The following NHERF2 variants were observed in gnomAD, a reference collection of about 807,000 sequenced individuals.
NHERF2 encodes the protein Na(+)/H(+) exchange regulatory cofactor NHE-RF2.
the NHERF2 span, chr16:2,036,750 G>T: frequency 6.2e-7 from 1 of 1,613,176 alleles, no homozygotes; most frequent in Non-Finnish European, 8.5e-7. Context: ...AATGTGGAGG[G>T]ACTGCGCCAT....
chr16:2,038,260 AGAGC>A, the NHERF2 span: 3 of 566,158 alleles, frequency 5.3e-6, no homozygotes, highest in Non-Finnish European at 9.5e-6. Flanking sequence ...AGACAGAGAG[AGAGC>A]GAGCGAGCGC....
At chr16:2,035,040 A>G in the NHERF2 span, among the ~76,000 whole-genome samples, 1 of 151,972 alleles carries the variant, frequency 6.6e-6, no homozygotes, top group South Asian at 2.1e-4. Flanking sequence ...GGGGCCAGGG[A>G]GCCACAGGCT....
the NHERF2 span, chr16:2,029,410 C>A: frequency 4.6e-5 from 29 of 629,236 alleles, no homozygotes; most frequent in Non-Finnish European, 8.2e-5. Flanking sequence ...AGGGAGGGAG[C>A]CGCTGGAGTC....
the NHERF2 span, among the ~76,000 whole-genome samples, chr16:2,032,439 C>T: frequency 6.6e-6 from 1 of 152,204 alleles, no homozygotes; most frequent in South Asian, 2.1e-4. The surrounding 1 kb of genome is among the most constrained non-coding windows in gnomAD (Gnocchi z 4.0). Flanking sequence ...GGGCATGCCT[C>T]AGATGGTCAG....
At chr16:2,031,993 C>G in the NHERF2 span, among the ~76,000 whole-genome samples, 1 of 151,254 alleles carries the variant, frequency 6.6e-6, no homozygotes, top group Non-Finnish European at 1.5e-5. Context: ...TACCCGGCCC[C>G]TGAGGTCTGA....
the NHERF2 span, chr16:2,033,544 C>G: frequency 8.4e-7 from 1 of 1,194,446 alleles, no homozygotes; most frequent in East Asian, 2.6e-5. Flanking sequence ...GGTCGCTGAG[C>G]AACAATGAAG....
the NHERF2 span, among the ~76,000 whole-genome samples, chr16:2,030,661 G>A: frequency 1.3e-5 from 2 of 149,912 alleles, no homozygotes; most frequent in African/African-American, 2.5e-5. Context: ...AACCCTGGCC[G>A]GGTGCGGTGG....
chr16:2,029,510 G>C, the NHERF2 span: 1 of 1,411,276 alleles, frequency 7.1e-7, no homozygotes, highest in Non-Finnish European at 9.8e-7. Flanking sequence ...GGCCAGCCCA[G>C]AGTGGTGCCA....
the NHERF2 span, chr16:2,037,926 A>G: frequency 6.2e-7 from 1 of 1,613,170 alleles, no homozygotes; most frequent in Admixed American, 1.7e-5. Flanking sequence ...ATGCGAGTCA[A>G]CAAGCGCGCG....
chr16:2,036,251 G>A, the NHERF2 span: 65 of 1,446,436 alleles, frequency 4.5e-5, no homozygotes, highest in South Asian at 8.0e-5. Flanking sequence ...GGGCAGTGGC[G>A]GCACCACCGG....
At chr16:2,027,406 G>GA in the NHERF2 span, among the ~76,000 whole-genome samples, 1 of 152,164 alleles carries the variant, frequency 6.6e-6, no homozygotes, top group Non-Finnish European at 1.5e-5. Flanking sequence ...GGTGGGGGGG[G>GA]GCATCCTGGC....
chr16:2,038,290 C>T, the NHERF2 span: 1 of 539,344 alleles, frequency 1.9e-6, no homozygotes, highest in African/African-American at 1.9e-5. Flanking sequence ...AGCCGCGGGG[C>T]GAGGGCCTTT....
chr16:2,033,346 GC>G, the NHERF2 span: 1 of 1,533,136 alleles, frequency 6.5e-7, no homozygotes, highest in Non-Finnish European at 8.7e-7. Flanking sequence ...TCACTGTGCC[GC>G]TGTCATGGCA....
the NHERF2 span, among the ~76,000 whole-genome samples, chr16:2,028,926 G>A: frequency 2.0e-5 from 3 of 152,180 alleles, no homozygotes; most frequent in South Asian, 4.1e-4. Context: ...TCTCCCCCTC[G>A]CCGGCTGCAC....
the NHERF2 span, chr16:2,035,487 C>A: frequency 1.0e-6 from 1 of 986,450 alleles, no homozygotes; most frequent in South Asian, 4.7e-5. Context: ...TGCACAGTCT[C>A]CCCTGCGCAC....
chr16:2,036,514 A>G, the NHERF2 span: 11 of 1,573,380 alleles, frequency 7.0e-6, 1 homozygote, highest in South Asian at 1.3e-4. Context: ...GTACCGGCCC[A>G]CCAGGGCTGC....
the NHERF2 span, chr16:2,037,936 G>A: frequency 1.4e-4 from 230 of 1,613,192 alleles, no homozygotes; most frequent in Non-Finnish European, 1.7e-4. Context: ...ACAAGCGCGC[G>A]CCACAGATGG....
At chr16:2,027,149 C>T in the NHERF2 span, 3 of 1,474,770 alleles carry the variant, frequency 2.0e-6, no homozygotes, top group Non-Finnish European at 2.7e-6. Context: ...CCGAGGCCGC[C>T]GCGCTGCGCG....
the NHERF2 span, chr16:2,029,544 T>C: frequency 2.0e-6 from 3 of 1,536,470 alleles, no homozygotes; most frequent in South Asian, 3.6e-5. Context: ...GCCCGGAATG[T>C]GGGCCACTGA....
Sources: allele counts gnomAD v4.1 joint callset (sites outside exome capture counted in the v4.1 genomes callset), GRCh38; gene constraint gnomAD v4.1.1; non-coding constraint Gnocchi (gnomAD v3.1); transcripts MANE v1.5; gene names NCBI Gene and HGNC (gene_info 2026-07-23, HGNC 2026-07-21).